Variants in CCDC50 observed in about 807,000 individuals in gnomAD.
CCDC50 encodes coiled-coil domain containing 50, also known as coiled-coil domain-containing protein 50.
In CCDC50, 54 loss-of-function variants were observed where a neutral mutation model predicts 70.2. The ratio of observed to expected loss-of-function variants is 0.77; its 90% CI spans 0.62 to 0.96. The LOEUF is 0.96. Among genes scored for constraint, CCDC50 ranks in the 50% least tolerant of loss-of-function variants. CCDC50 has a pLI of 0.00. For synonymous variants in CCDC50, 216 were observed against 198.8 expected, an observed-to-expected ratio of 1.09 and a Z score of -0.73; for missense variants, 558 against 578.7, an observed-to-expected ratio of 0.96 and a Z score of 0.37.
At chr3:191,344,681 C>T (rs1180241759) in intron 1 of CCDC50, among the ~76,000 whole-genome samples, 10 of 152,134 alleles carry the variant, frequency 6.6e-5, no homozygotes, top group Non-Finnish European at 1.0e-4. Flanking sequence ...TGGGTTCAGG[C>T]GATTCTCCTG....
At chr3:191,359,976 A>G (rs1712426047) in intron 3 of CCDC50, among the ~76,000 whole-genome samples, 1 of 152,222 alleles carries the variant, frequency 6.6e-6, no homozygotes, top group African/African-American at 2.4e-5. Flanking sequence ...AGAACCGGGT[A>G]TTATATTTCT....
chr3:191,391,662 A>C lies in CCDC50; in HGVS notation c.1430-79A>C, dbSNP rs553628053. Reference sequence around the variant, plus strand: ...AAATGTATAGAAATAAAGTTATTTTACTTGGGCAGGGAGAAAAAGCTGTTT... The same window carrying C: ...AAATGTATAGAAATAAAGTTATTTTCCTTGGGCAGGGAGAAAAAGCTGTTT... On this transcript the variant is annotated intron_variant, in intron 11 of 11. Coordinates refer to ENST00000392455, the MANE Select transcript of CCDC50 (RefSeq NM_178335.3). 88 of 1,225,020 alleles carry C rather than the reference A, an allele frequency of 7.2e-5. No homozygotes were observed. In the East Asian group the frequency reaches 2.0e-3, roughly 28 times the overall value. The allele number at this position is 1,225,020 out of a possible 1,614,324, so 75.9% of individuals were successfully genotyped here.
At chr3:191,345,884 G>A (rs770900971) in intron 1 of CCDC50, among the ~76,000 whole-genome samples, 63 of 152,090 alleles carry the variant, frequency 4.1e-4, no homozygotes, top group Non-Finnish European at 7.5e-4. Context: ...TAAAACTTAT[G>A]CTTATTACCC....
At chr3:191,371,249 G>GTGGTGA (rs1040181709) in intron 5 of CCDC50, among the ~76,000 whole-genome samples, 10 of 152,120 alleles carry the variant, frequency 6.6e-5, no homozygotes, top group South Asian at 6.2e-4. Flanking sequence ...GCTTTGCAGG[G>GTGGTGA]TGGTGATGGT....
chr3:191,349,973 C>CA (rs1553840302), intron 1 of CCDC50, among the ~76,000 whole-genome samples: 1 of 124,150 alleles, frequency 8.1e-6, no homozygotes, highest in African/African-American at 2.7e-5. Flanking sequence ...AATACCCCCC[C>CA]CCTCCCTTTT....
intron 7 of CCDC50, 67 bp downstream of exon 7, chr3:191,380,341 CTTGAAA>C: frequency 1.0e-6 from 1 of 970,010 alleles, no homozygotes; most frequent in South Asian, 1.4e-5. Context: ...TCTAGTCCAT[CTTGAAA>C]TTATATTAAT....
rs1713928094 is a variant in CCDC50, at chr3:191,398,327, C to T, written c.*6567C>T. The T allele has an allele frequency of 6.6e-6, 1 of 151,942 alleles. No homozygotes were observed. The highest frequency in any genetic ancestry group is 1.5e-5 in the Non-Finnish European group (1 of 67,992). 9.4% of individuals were successfully genotyped at this position (151,942 alleles called of 1,614,324 possible). A position where few individuals can be genotyped will look rare whatever the true frequency, so the allele number is the denominator to read the frequency against. On this transcript the variant is annotated 3_prime_UTR_variant, in exon 12 of 12. Transcript: ENST00000392455. ...TTGATATTATGAATAATTTTTAAAC[C>T]AAAGTATTCTATAAGTCTGTGTGCT...
At position 191,398,649 on chromosome 3, in the gene CCDC50, T is replaced by A. The variant is rs1016982179; in HGVS notation, c.*6889T>A. On this transcript the variant is annotated 3_prime_UTR_variant, in exon 12 of 12. Transcript: ENST00000392455. ...GTGTATTGAAATCCTCAATAAATAC[T>A]GCCAAGTGTGGATCAGTTGGAGAAG... 8.5e-5 allele frequency: 13 copies of A among 152,178 alleles called. No homozygotes were observed. The highest frequency in any genetic ancestry group is 3.1e-4 in the African/African-American group (13 of 41,438). The allele number at this position is 152,178 out of a possible 1,614,324, so 9.4% of individuals were successfully genotyped here.
At position 191,380,876 on chromosome 3, in the gene CCDC50, G is replaced by A. The variant is rs772898236; in HGVS notation, c.1186G>A (p.Ala396Thr). The A allele has an allele frequency of 1.2e-6, 2 of 1,612,940 alleles. No homozygotes were observed. The highest frequency in any genetic ancestry group is 2.2e-5 in the East Asian group (1 of 44,826). The change falls in exon 9 of 12, where the codon GCC becomes ACC. Residue 396 changes from alanine to threonine, a missense_variant. Ala to Thr is a moderately conservative substitution (Grantham distance 58). Coordinates refer to ENST00000392455, the MANE Select transcript of CCDC50 (RefSeq NM_178335.3). ...MAEEKKAYKK[A>T]KEREKSSLDK... ...TGAAGAAAAGAAAGCTTACAAAAAA[G>A]CCAAGGAGCGGGAGAAATCATCTTT...
chr3:191,329,945 G>C (rs1483330710), intron 1 of CCDC50, among the ~76,000 whole-genome samples: 28 of 61,942 alleles, frequency 4.5e-4, no homozygotes, highest in African/African-American at 3.3e-3. Flanking sequence ...GGGTGGTTGG[G>C]GGGGGGGGGG....
chr3:191,382,251 C>G (rs577022248), intron 9 of CCDC50, among the ~76,000 whole-genome samples: 77 of 152,160 alleles, frequency 5.1e-4, no homozygotes, highest in Non-Finnish European at 1.1e-3. Flanking sequence ...GGTACTGATA[C>G]AGTTCCTCTC....
At chr3:191,358,953 T>G (rs898496787) in intron 3 of CCDC50, among the ~76,000 whole-genome samples, 27 of 152,222 alleles carry the variant, frequency 1.8e-4, no homozygotes, top group African/African-American at 6.5e-4. Flanking sequence ...CTGTTTATTA[T>G]TTGTAGAGAG....
chr3:191,380,552 A>G lies in CCDC50; in HGVS notation c.1093-135A>G, dbSNP rs1459831820. On this transcript the variant is annotated intron_variant, in intron 7 of 11. Coordinates refer to ENST00000392455, the MANE Select transcript of CCDC50 (RefSeq NM_178335.3). ...AGCTCCTGCTCTGGCTGGTGAAAGC[A>G]TACCAACTGATTATCAACCTCAGGA... The G allele has an allele frequency of 6.1e-5, 53 of 865,826 alleles. No individual in the cohort carries two copies. In the East Asian group the frequency reaches 1.3e-3, roughly 21 times the overall value. 53.6% of individuals were successfully genotyped at this position (865,826 alleles called of 1,614,324 possible).
Position 191,341,316 on chromosome 3 carries a change from C to T in CCDC50, c.49+11593C>T, listed in dbSNP as rs531702286. Among the ~76,000 whole-genome samples, 6 of 152,234 alleles carry T rather than the reference C, an allele frequency of 3.9e-5. No homozygotes were observed. In the South Asian group the frequency reaches 8.3e-4, roughly 21 times the overall value. ...TTAGTGAGTAGCAGATGCTTTCTTT[C>T]GCCCTTCACATACCTTATCTAATTT... On this transcript the variant is annotated intron_variant, in intron 1 of 11. Transcript: ENST00000392455.
intron 1 of CCDC50, among the ~76,000 whole-genome samples, chr3:191,348,436 T>A (rs1711997986): frequency 1.4e-5 from 2 of 142,688 alleles, no homozygotes; most frequent in African/African-American, 5.0e-5. Context: ...GTCATCTGTA[T>A]AAGGTGTAGA....
At chr3:191,347,429 TCTGCTTTAA>T (rs61078434) in intron 1 of CCDC50, among the ~76,000 whole-genome samples, 30,818 of 141,346 alleles carry the variant, frequency 0.22, 6,917 homozygotes, top group East Asian at 0.45. Flanking sequence ...TACTGCTTTA[TCTGCTTTAA>T]ATGCCACATA....
At chr3:191,371,761 T>G (rs994090404) in intron 5 of CCDC50, among the ~76,000 whole-genome samples, 1 of 152,168 alleles carries the variant, frequency 6.6e-6, no homozygotes, top group Admixed American at 6.6e-5. Context: ...ACTCTTCTCT[T>G]TTTTGATAGC....
rs553292591 is a variant in CCDC50, at chr3:191,371,680, G to C, written c.448+1644G>C. Reference sequence around the variant, plus strand: ...CTCTAAATTTACCATAATCAGTAGAGCTCAGCCTTTTTAGTAAGCAGGCTG... The same window carrying C: ...CTCTAAATTTACCATAATCAGTAGACCTCAGCCTTTTTAGTAAGCAGGCTG... On this transcript the variant is annotated intron_variant, in intron 5 of 11. Coordinates refer to ENST00000392455, the MANE Select transcript of CCDC50 (RefSeq NM_178335.3). Among the ~76,000 whole-genome samples the C allele has an allele frequency of 1.6e-3, 242 of 152,296 alleles. 1 individual carries two copies. The highest frequency in any genetic ancestry group is 5.6e-3 in the African/African-American group (233 of 41,564).
In CCDC50 at chr3:191,349,891, A is replaced by T. The variant is rs545080650; in HGVS notation, c.50-7197A>T. 1.7e-3 allele frequency among the ~76,000 whole-genome samples: 235 copies of T among 140,312 alleles called. 32 individuals carry two copies. Among genetic ancestry groups the T allele is most frequent in the Admixed American group, 7.3e-3 (100 of 13,634 alleles). The allele number at this position is 140,312 out of a possible 152,430, so 92.1% of individuals were successfully genotyped here. A position where few individuals can be genotyped will look rare whatever the true frequency, so the allele number is the denominator to read the frequency against. ...CTTTCTGAATACATGTACCATCTTT[A>T]CTAAAAATTACTTTTATCCTTGATT... is the stretch of plus-strand genomic sequence containing the variant. On this transcript the variant is annotated intron_variant, in intron 1 of 11. Transcript: ENST00000392455.
Sources: allele counts gnomAD v4.1 joint callset (sites outside exome capture counted in the v4.1 genomes callset), GRCh38; gene constraint gnomAD v4.1.1; transcripts MANE v1.5; gene names NCBI Gene and HGNC (gene_info 2026-07-23, HGNC 2026-07-21).